Variants in SPAG16 observed in about 807,000 individuals in gnomAD.
SPAG16 encodes sperm-associated antigen 16 protein.
Under a neutral mutation model 80.4 loss-of-function variants are expected in SPAG16, and 86 were observed. The observed-to-expected ratio is 1.07, with a 90% CI of 0.90 to 1.28. The LOEUF is 1.28. Ranked by LOEUF, SPAG16 falls within the 50% of genes most tolerant of loss-of-function variation. The pLI, the probability that SPAG16 is intolerant of heterozygous loss-of-function variation, is 0.00. For synonymous variants in SPAG16, 294 were observed against 265.9 expected, an observed-to-expected ratio of 1.11 and a Z score of -1.03; for missense variants, 870 against 765.3, an observed-to-expected ratio of 1.14 and a Z score of -1.61.
chr2:213,845,109 C>T (rs2074545995), intron 10 of SPAG16, among the ~76,000 whole-genome samples: 2 of 151,888 alleles, frequency 1.3e-5, no homozygotes, highest in South Asian at 2.1e-4. Flanking sequence ...AATACTTTCT[C>T]CTGAGAAAAT....
At position 213,602,354 on chromosome 2, in the gene SPAG16, G is replaced by A. The variant is rs566574332; in HGVS notation, c.1070+112264G>A. The stretch of plus-strand genomic sequence containing the variant: ...AGTATAATAAACTCATTTCCAGGCC[G>A]GGCACAGTGGGGCTCTCGCCTGTAA... On this transcript the variant is annotated intron_variant, in intron 10 of 15. Coordinates refer to ENST00000331683, the MANE Select transcript of SPAG16 (RefSeq NM_024532.5). Among the ~76,000 whole-genome samples the A allele has an allele frequency of 3.7e-4, 55 of 149,270 alleles. 1 individual carries two copies. Among genetic ancestry groups the A allele is most frequent in the South Asian group, 6.2e-4 (3 of 4,808 alleles).
intron 10 of SPAG16, among the ~76,000 whole-genome samples, chr2:213,650,548 A>G (rs2125144642): frequency 6.6e-6 from 1 of 152,356 alleles, no homozygotes; most frequent in South Asian, 2.1e-4. Context: ...AGGAAGGGGA[A>G]AAACAATACT....
At chr2:213,650,116 T>A (rs2062969159) in intron 10 of SPAG16, among the ~76,000 whole-genome samples, 1 of 152,180 alleles carries the variant, frequency 6.6e-6, no homozygotes, top group Non-Finnish European at 1.5e-5. Context: ...ATATGGCTGA[T>A]GTTTTACTTC....
chr2:213,717,541 C>T (rs1400059280), intron 10 of SPAG16, among the ~76,000 whole-genome samples: 1 of 151,792 alleles, frequency 6.6e-6, no homozygotes, highest in African/African-American at 2.4e-5. Context: ...TCAGAACGTC[C>T]GGAGACTTAA....
intron 15 of SPAG16, among the ~76,000 whole-genome samples, chr2:214,378,249 T>C (rs1273748958): frequency 1.3e-5 from 2 of 152,178 alleles, no homozygotes; most frequent in Non-Finnish European, 2.9e-5. Context: ...ACAGCAGCAA[T>C]TGGAAACTAA....
intron 10 of SPAG16, among the ~76,000 whole-genome samples, chr2:213,698,493 T>G (rs1014358597): frequency 1.3e-5 from 2 of 152,092 alleles, no homozygotes; most frequent in Non-Finnish European, 2.9e-5. Context: ...AACTCCTGGG[T>G]TCAAGCAATC....
rs183901825 is a variant in SPAG16, at chr2:213,415,651, G to T, written c.942+40532G>T. Among the ~76,000 whole-genome samples, 3 of 152,310 alleles carry T rather than the reference G, an allele frequency of 2.0e-5. No homozygotes were observed. In the South Asian group the frequency reaches 6.2e-4, roughly 32 times the overall value. ...AGGAATCTTCAGATGTTTTTGGCTG[G>T]GTTGACAGTGTTATCATTCATTGGA... is the stretch of plus-strand genomic sequence containing the variant. On this transcript the variant is annotated intron_variant, in intron 9 of 15. Coordinates refer to ENST00000331683, the MANE Select transcript of SPAG16 (RefSeq NM_024532.5).
At chr2:213,548,357 C>T (rs2076681217) in intron 10 of SPAG16, among the ~76,000 whole-genome samples, 1 of 152,014 alleles carries the variant, frequency 6.6e-6, no homozygotes, top group Non-Finnish European at 1.5e-5. Flanking sequence ...GGACTACAGG[C>T]GCCCACCACC....
At chr2:214,276,501 ATC>A (rs1024600113) in intron 15 of SPAG16, among the ~76,000 whole-genome samples, 35 of 152,102 alleles carry the variant, frequency 2.3e-4, no homozygotes, top group African/African-American at 8.5e-4. Context: ...TGGTGACAAA[ATC>A]TCTCAGCATT....
chr2:214,296,260 C>A (rs1048254690), intron 15 of SPAG16, among the ~76,000 whole-genome samples: 2 of 152,170 alleles, frequency 1.3e-5, no homozygotes, highest in African/African-American at 4.8e-5. Flanking sequence ...GCATAGAATT[C>A]CATAGTGTAT....
intron 10 of SPAG16, among the ~76,000 whole-genome samples, chr2:213,671,779 G>A (rs1026498537): frequency 1.3e-5 from 2 of 150,786 alleles, no homozygotes; most frequent in Non-Finnish European, 2.9e-5. Context: ...GCTGTGAGCA[G>A]GGCACGTTCA....
chr2:213,678,412 C>G (rs558402629), intron 10 of SPAG16, among the ~76,000 whole-genome samples: 60 of 152,136 alleles, frequency 3.9e-4, no homozygotes, highest in African/African-American at 1.3e-3. Context: ...ATCAAATAGA[C>G]ACAATAAAAA....
At chr2:214,120,843 A>G (rs1018777586) in intron 14 of SPAG16, among the ~76,000 whole-genome samples, 1 of 151,774 alleles carries the variant, frequency 6.6e-6, no homozygotes, top group African/African-American at 2.4e-5. Flanking sequence ...TATGATGATG[A>G]TTTTCAAGTA....
intron 4 of SPAG16, among the ~76,000 whole-genome samples, chr2:213,313,802 C>T (rs2063298661): frequency 1.3e-5 from 2 of 151,770 alleles, no homozygotes; most frequent in South Asian, 2.1e-4. Flanking sequence ...CTGTCTGGTT[C>T]TAAGTGATAG....
At chr2:213,408,878 T>G (rs1308986151) in intron 9 of SPAG16, among the ~76,000 whole-genome samples, 2 of 152,176 alleles carry the variant, frequency 1.3e-5, no homozygotes, top group East Asian at 3.8e-4. Context: ...TAAAGAATAA[T>G]TAAAATCCCA....
intron 9 of SPAG16, among the ~76,000 whole-genome samples, chr2:213,462,399 T>G (rs1253841671): frequency 3.3e-5 from 5 of 152,230 alleles, no homozygotes; most frequent in Non-Finnish European, 5.9e-5. Flanking sequence ...TGTAAGCCTT[T>G]TTGAGGTGTT....
intron 10 of SPAG16, among the ~76,000 whole-genome samples, chr2:213,685,108 C>T (rs1487973884): frequency 6.6e-6 from 1 of 152,152 alleles, no homozygotes; most frequent in African/African-American, 2.4e-5. Flanking sequence ...GAATAAAAGA[C>T]CCTTTGGCAA....
intron 15 of SPAG16, among the ~76,000 whole-genome samples, chr2:214,158,440 G>A (rs1039991066): frequency 2.0e-5 from 3 of 151,716 alleles, no homozygotes; most frequent in African/African-American, 4.8e-5. Context: ...TGTTATTCTC[G>A]CATACCTCAC....
intron 15 of SPAG16, among the ~76,000 whole-genome samples, chr2:214,164,196 A>G (rs1231558182): frequency 1.3e-5 from 2 of 152,156 alleles, no homozygotes; most frequent in African/African-American, 4.8e-5. Flanking sequence ...CTTACATTCT[A>G]CTTGAGAAAG....
Sources: allele counts gnomAD v4.1 joint callset (sites outside exome capture counted in the v4.1 genomes callset), GRCh38; gene constraint gnomAD v4.1.1; transcripts MANE v1.5; gene names NCBI Gene and HGNC (gene_info 2026-07-23, HGNC 2026-07-21).